ARHGEF9: variants seen among roughly 807,000 people sequenced by gnomAD.
ARHGEF9 encodes rho guanine nucleotide exchange factor 9.
Under a neutral mutation model 41.3 loss-of-function variants are expected in ARHGEF9, and 2 were observed. The observed-to-expected ratio is 0.05, with a 90% CI of 0.02 to 0.15. The LOEUF (loss-of-function observed/expected upper bound fraction) is 0.15, where lower values mean the gene tolerates loss of function less well. Among genes scored for constraint, ARHGEF9 ranks in the 10% least tolerant of loss-of-function variants. ARHGEF9 has a pLI of 1.00. For missense variants in ARHGEF9, 225 were observed against 424.7 expected, an observed-to-expected ratio of 0.53 and a Z score of 4.13; for synonymous variants, 160 against 154.4, an observed-to-expected ratio of 1.04 and a Z score of -0.27.
At chrX:63,700,660 A>G (rs782775907) in intron 3 of ARHGEF9, among the ~76,000 whole-genome samples, 1 of 111,694 alleles carries the variant, frequency 9.0e-6, no homozygotes, top group South Asian at 3.9e-4. Flanking sequence ...CCAAGAAAAT[A>G]GCACACAGCC....
At chrX:63,640,896 T>A (rs1416257835) in intron 9 of ARHGEF9, 1 of 111,965 alleles carries the variant, frequency 8.9e-6, no homozygotes, top group Non-Finnish European at 1.9e-5. Context: ...GCTCTTCCCA[T>A]GTACATATTG....
intron 2 of ARHGEF9, among the ~76,000 whole-genome samples, chrX:63,720,059 T>C (rs1347904780): frequency 9.0e-6 from 1 of 111,379 alleles, no homozygotes; most frequent in Non-Finnish European, 1.9e-5. Flanking sequence ...ACCAGATGCA[T>C]GCTCAGAAAA....
intron 6 of ARHGEF9, among the ~76,000 whole-genome samples, chrX:63,673,129 T>C (rs2050060500): frequency 8.9e-6 from 1 of 111,825 alleles, no homozygotes; most frequent in African/African-American, 3.3e-5. Flanking sequence ...TTCTGGGCCT[T>C]GGTTAAGCAG....
At chrX:63,662,139 T>G (rs1556342437) in intron 7 of ARHGEF9, among the ~76,000 whole-genome samples, 1 of 111,837 alleles carries the variant, frequency 8.9e-6, no homozygotes, top group Non-Finnish European at 1.9e-5. Context: ...TTGATTCCAT[T>G]TAATCTTCAT....
intron 9 of ARHGEF9, chrX:63,640,335 C>T (rs2047544311): frequency 8.9e-6 from 1 of 111,917 alleles, no homozygotes; most frequent in African/African-American, 3.3e-5. Flanking sequence ...ATATGTCCAC[C>T]CTTCTGCCAA....
At chrX:63,671,193 T>C (rs1333980083) in intron 6 of ARHGEF9, 2 of 112,284 alleles carry the variant, frequency 1.8e-5, no homozygotes, top group African/African-American at 6.5e-5. Flanking sequence ...TTTTTCTTGA[T>C]TTGCACGGTC....
intron 4 of ARHGEF9, among the ~76,000 whole-genome samples, chrX:63,690,899 A>G (rs1462200899): frequency 6.2e-5 from 7 of 112,282 alleles, no homozygotes; most frequent in African/African-American, 2.3e-4. Flanking sequence ...GATCACTTCA[A>G]TAGATGCTGA....
chrX:63,702,608 T>A (rs2052258283), intron 3 of ARHGEF9, among the ~76,000 whole-genome samples: 1 of 112,264 alleles, frequency 8.9e-6, no homozygotes, highest in South Asian at 3.7e-4. Context: ...TGACTTTTTT[T>A]ATATTGAATA....
intron 7 of ARHGEF9, among the ~76,000 whole-genome samples, chrX:63,664,542 T>A (rs2049404137): frequency 8.9e-6 from 1 of 112,358 alleles, no homozygotes; most frequent in Non-Finnish European, 1.9e-5. Context: ...ATGCTGAGAA[T>A]TTCCATGGCC....
chrX:63,672,190 C>T (rs2050001552), intron 6 of ARHGEF9, among the ~76,000 whole-genome samples: 2 of 110,804 alleles, frequency 1.8e-5, no homozygotes, highest in South Asian at 3.9e-4. Context: ...AGACAACAGT[C>T]TATGAAGAGG....
intron 2 of ARHGEF9, among the ~76,000 whole-genome samples, chrX:63,707,714 G>GC (rs2052649048): frequency 9.0e-6 from 1 of 111,632 alleles, no homozygotes; most frequent in Non-Finnish European, 1.9e-5. Flanking sequence ...CCCTATTTCT[G>GC]CCATCAGAAA....
chrX:63,727,979 C>A (rs1241966671), intron 1 of ARHGEF9, among the ~76,000 whole-genome samples: 1 of 111,663 alleles, frequency 9.0e-6, no homozygotes, highest in East Asian at 2.8e-4. Flanking sequence ...CCAGTTTCTT[C>A]ACCTATAAAA....
chrX:63,782,970 G>A (rs1402514830), intron 1 of ARHGEF9, among the ~76,000 whole-genome samples: 1 of 112,380 alleles, frequency 8.9e-6, no homozygotes, highest in Non-Finnish European at 1.9e-5. Context: ...CTTGAATTCT[G>A]GTAAACAGCT....
At chrX:63,780,267 A>G (rs2056359276) in intron 1 of ARHGEF9, among the ~76,000 whole-genome samples, 1 of 111,780 alleles carries the variant, frequency 8.9e-6, no homozygotes, top group Non-Finnish European at 1.9e-5. Flanking sequence ...GTTTTAAGTC[A>G]GTATAGATAT....
At chrX:63,664,408 A>T (rs2049394870) in intron 7 of ARHGEF9, among the ~76,000 whole-genome samples, 1 of 112,422 alleles carries the variant, frequency 8.9e-6, no homozygotes, top group South Asian at 3.7e-4. Context: ...AACAGGGCCT[A>T]GGGGGTGCAG....
At chrX:63,762,061 C>T (rs1294207886) in intron 1 of ARHGEF9, among the ~76,000 whole-genome samples, 2 of 111,549 alleles carry the variant, frequency 1.8e-5, no homozygotes, top group Non-Finnish European at 3.8e-5. Context: ...GGGGAGTGAA[C>T]ATTTCTCTCA....
At chrX:63,691,784 C>G (rs1454672877) in intron 4 of ARHGEF9, among the ~76,000 whole-genome samples, 1 of 111,209 alleles carries the variant, frequency 9.0e-6, no homozygotes, top group Non-Finnish European at 1.9e-5. Flanking sequence ...CTGGAGGCAT[C>G]ACACTACCTA....
intron 4 of ARHGEF9, among the ~76,000 whole-genome samples, chrX:63,692,732 AAT>A (rs1292904234): frequency 8.9e-6 from 1 of 111,976 alleles, no homozygotes; most frequent in East Asian, 2.8e-4. Context: ...AAGAAAAATC[AAT>A]ATGTCAGAAG....
chrX:63,667,638 T>C (rs1187143244), intron 6 of ARHGEF9, among the ~76,000 whole-genome samples: 4 of 110,801 alleles, frequency 3.6e-5, no homozygotes, highest in African/African-American at 1.3e-4. Flanking sequence ...ACCATTTTTT[T>C]CCCCAGTCTA....
Sources: gnomAD v4.1 joint callset for allele counts (sites outside exome capture counted in the v4.1 genomes callset) on GRCh38, gnomAD v4.1.1 for gene constraint, MANE v1.5 for transcripts, NCBI Gene and HGNC (gene_info 2026-07-23, HGNC 2026-07-21) for gene names.